The following AMD1 variants were observed in gnomAD, a reference collection of about 807,000 sequenced individuals.
AMD1 encodes the protein S-adenosylmethionine decarboxylase proenzyme.
In AMD1, 11 loss-of-function variants were observed where a neutral mutation model predicts 40.2. The ratio of observed to expected loss-of-function variants is 0.27; its 90% CI spans 0.17 to 0.45. The LOEUF is 0.45. Ranked by LOEUF, AMD1 falls within the 20% of genes least tolerant of loss-of-function variation. AMD1 has a pLI of 1.00. For synonymous variants in AMD1, 121 were observed against 130.8 expected (o/e 0.93, Z 0.51); for missense variants, 257 against 410.2 (o/e 0.63, Z 3.23).
At chr6:110,879,095 G>A (rs752738412) in intron 1 of AMD1, among the ~76,000 whole-genome samples, 3 of 152,148 alleles carry the variant, frequency 2.0e-5, no homozygotes, top group Non-Finnish European at 4.4e-5. Context: ...GGGCTTGGTG[G>A]CTCATGTCTA....
chr6:110,841,432 G>T, the AMD1 span, among the ~76,000 whole-genome samples: 1 of 152,166 alleles, frequency 6.6e-6, no homozygotes, highest in Non-Finnish European at 1.5e-5. Flanking sequence ...TCTGTGCTGG[G>T]CTTGCTCACG....
the AMD1 span, among the ~76,000 whole-genome samples, chr6:110,852,200 ATTTTTTTTTTTTTTTTTTTTTTT>A: frequency 4.3e-4 from 22 of 51,300 alleles, no homozygotes; most frequent in Admixed American, 1.3e-3. Flanking sequence ...CGCCTGGCTA[ATTTTTTTTTTTTTTTTTTTTTTT>A]TTTTTTTTTT....
upstream of AMD1, among the ~76,000 whole-genome samples, chr6:110,871,411 A>AGGGT (rs146807261): frequency 5.0e-3 from 767 of 152,350 alleles, 8 homozygotes; most frequent in African/African-American, 0.017. Context: ...GCTCTGAACT[A>AGGGT]GGGTGGTGGT....
Position 110,892,155 on chromosome 6 carries a change from C to G in AMD1, c.428-6C>G. ...ATATTTATTTTGCGTTCTCTTCCCT[C>G]AACAGATGGAGCAGCATATTGTATG... On this transcript the variant is annotated splice_polypyrimidine_tract_variant and splice_region_variant and intron_variant, in intron 4 of 8. Transcript: ENST00000368885. The G allele has an allele frequency of 6.2e-7, 1 of 1,613,502 alleles. No homozygotes were observed. Among genetic ancestry groups the G allele is most frequent in the Non-Finnish European group, 8.5e-7 (1 of 1,180,004 alleles).
the AMD1 span, among the ~76,000 whole-genome samples, chr6:110,822,665 T>C: frequency 1.3e-5 from 2 of 152,294 alleles, no homozygotes; most frequent in East Asian, 3.9e-4. Flanking sequence ...CTGATGAACA[T>C]AGATGCAAAA....
chr6:110,815,222 C>G, the AMD1 span: 1 of 1,375,890 alleles, frequency 7.3e-7, no homozygotes, highest in Admixed American at 3.1e-5. Context: ...CGCCGCTCCA[C>G]TTCTCCAACA....
chr6:110,860,111 G>A, the AMD1 span, among the ~76,000 whole-genome samples: 58 of 152,216 alleles, frequency 3.8e-4, no homozygotes, highest in African/African-American at 1.3e-3. Context: ...ACAGGCATGA[G>A]CCACCATGCC....
the AMD1 span, among the ~76,000 whole-genome samples, chr6:110,852,982 C>CTTTTTTTTTTTT: frequency 9.0e-6 from 1 of 111,496 alleles, no homozygotes. Flanking sequence ...TAATTAAGCA[C>CTTTTTTTTTTTT]TTTTTTTTTT....
chr6:110,867,711 C>G, the AMD1 span, among the ~76,000 whole-genome samples: 1 of 151,992 alleles, frequency 6.6e-6, no homozygotes, highest in African/African-American at 2.4e-5. Flanking sequence ...AATTCAAAAG[C>G]AGTTAAAAAA....
chr6:110,880,585 A>AT (rs1785351985), intron 1 of AMD1, among the ~76,000 whole-genome samples: 2 of 152,222 alleles, frequency 1.3e-5, no homozygotes, highest in South Asian at 2.1e-4. Flanking sequence ...GTGGACATCC[A>AT]TTTTTTCCCA....
chr6:110,859,029 A>T, the AMD1 span: 31 of 1,226,358 alleles, frequency 2.5e-5, no homozygotes, highest in South Asian at 3.7e-4. Flanking sequence ...GGGCCGGCAG[A>T]TACATGACCC....
At chr6:110,889,241 C>T (rs1018128235) in intron 3 of AMD1, 5 of 243,710 alleles carry the variant, frequency 2.1e-5, no homozygotes, top group African/African-American at 4.5e-5. Context: ...AATTTCTTAA[C>T]ATGGCTACTT....
At chr6:110,827,282 TTTTC>T in the AMD1 span, among the ~76,000 whole-genome samples, 5 of 134,266 alleles carry the variant, frequency 3.7e-5, no homozygotes, top group African/African-American at 1.2e-4. Context: ...TTATTCATAT[TTTTC>T]TTTCTTTTTT....
chr6:110,836,333 A>G, the AMD1 span, among the ~76,000 whole-genome samples: 1 of 152,156 alleles, frequency 6.6e-6, no homozygotes, highest in Admixed American at 6.6e-5. Flanking sequence ...AGAAATAAAT[A>G]AATAATAATA....
chr6:110,886,102 A>G (rs914549642), intron 1 of AMD1, among the ~76,000 whole-genome samples: 6 of 151,930 alleles, frequency 3.9e-5, no homozygotes, highest in African/African-American at 1.5e-4. Context: ...TAAAAATACA[A>G]AAATTAGCCA....
the AMD1 span, among the ~76,000 whole-genome samples, chr6:110,819,292 G>A: frequency 4.6e-5 from 7 of 152,170 alleles, no homozygotes; most frequent in Non-Finnish European, 8.8e-5. Context: ...GGGAGGCAGA[G>A]GTTGCAGTGA....
At chr6:110,850,342 C>T in the AMD1 span, among the ~76,000 whole-genome samples, 2 of 152,108 alleles carry the variant, frequency 1.3e-5, no homozygotes, top group African/African-American at 4.8e-5. Flanking sequence ...GGGACTCAGG[C>T]GAAGCTGGGA....
the AMD1 span, among the ~76,000 whole-genome samples, chr6:110,869,344 G>A: frequency 6.6e-6 from 1 of 151,892 alleles, no homozygotes; most frequent in East Asian, 2.0e-4. Context: ...GTGTTAGCCA[G>A]GATGATCTCG....
At chr6:110,844,099 C>T in the AMD1 span, among the ~76,000 whole-genome samples, 1 of 151,930 alleles carries the variant, frequency 6.6e-6, no homozygotes, top group African/African-American at 2.4e-5. Context: ...AGTAATCCAC[C>T]TATACAAGAA....
Sources: allele counts gnomAD v4.1 joint callset (sites outside exome capture counted in the v4.1 genomes callset), GRCh38; gene constraint gnomAD v4.1.1; transcripts MANE v1.5; gene names NCBI Gene and HGNC (gene_info 2026-07-23, HGNC 2026-07-21).